Variants in RANBP9 observed in about 807,000 individuals in gnomAD.
RANBP9 encodes ran-binding protein 9.
Under a neutral mutation model 84.3 loss-of-function variants are expected in RANBP9, and 15 were observed. The observed-to-expected ratio is 0.18, with a 90% CI of 0.12 to 0.27. The LOEUF (loss-of-function observed/expected upper bound fraction) is 0.27. Among genes scored for constraint, RANBP9 ranks in the 10% least tolerant of loss-of-function variants. The pLI, the probability that RANBP9 is intolerant of heterozygous loss-of-function variation, is 1.00. For synonymous variants in RANBP9, 392 were observed against 349.6 expected (o/e 1.12, Z -1.35); for missense variants, 809 against 912.8 (o/e 0.89, Z 1.46).
In RANBP9 at chr6:13,657,112, A is replaced by G; in HGVS notation, c.901T>C (p.Leu301=). 2 of 1,607,074 alleles carry G rather than the reference A, an allele frequency of 1.2e-6. No individual in the cohort carries two copies. The highest frequency in any genetic ancestry group is 1.7e-6 in the Non-Finnish European group (2 of 1,176,042). The part of the protein sequence containing the change: ...TCFYTKNGHS[L]GIAFTDLPPN... ...ATGCAATATATTATCTCAGTACCTAAACTATGTCCATTCTTGGTGTAAAAG... is the reference window on the plus strand; with the variant it reads ...ATGCAATATATTATCTCAGTACCTAGACTATGTCCATTCTTGGTGTAAAAG... The change falls in exon 4 of 14, where the codon TTA becomes CTA. Residue 301 remains leucine (L), a synonymous_variant. Transcript: ENST00000011619.
chr6:13,671,388 T>G (rs538511278), intron 2 of RANBP9, among the ~76,000 whole-genome samples: 1 of 152,196 alleles, frequency 6.6e-6, no homozygotes, highest in East Asian at 1.9e-4. Flanking sequence ...AAAAAGTGTT[T>G]CCACCAACCA....
chr6:13,675,486 T>C (rs1290649591), intron 2 of RANBP9, among the ~76,000 whole-genome samples: 1 of 152,232 alleles, frequency 6.6e-6, no homozygotes, highest in Non-Finnish European at 1.5e-5. Context: ...TGGGATGCAG[T>C]GAAAGCAGTG....
At chr6:13,705,946 T>C (rs1468296635) in intron 1 of RANBP9, among the ~76,000 whole-genome samples, 1 of 151,584 alleles carries the variant, frequency 6.6e-6, no homozygotes. Context: ...TAAGCAAGCA[T>C]GCTGAAATAT....
At chr6:13,693,527 A>C (rs1419485178) in intron 2 of RANBP9, among the ~76,000 whole-genome samples, 1 of 152,036 alleles carries the variant, frequency 6.6e-6, no homozygotes, top group Non-Finnish European at 1.5e-5. Context: ...CGGACAGATC[A>C]CCTGAGCTCA....
Position 13,654,190 on chromosome 6 carries a change from TACC to T in RANBP9, c.905-1512_905-1510del, listed in dbSNP as rs558997019. Among the ~76,000 whole-genome samples, 25 of 152,274 alleles carry T rather than the reference TACC, an allele frequency of 1.6e-4. No homozygotes were observed. In the South Asian group the frequency reaches 5.0e-3, roughly 30 times the overall value. The stretch of plus-strand genomic sequence containing the variant: ...ATTTTTTAACACAGCCAAATATAGT[TACC>T]ACAACATGTTTTTGCTCAATCAGAC... On this transcript the variant is annotated intron_variant, in intron 4 of 13. Transcript: ENST00000011619.
intron 2 of RANBP9, among the ~76,000 whole-genome samples, chr6:13,690,620 G>T (rs545751942): frequency 7.9e-5 from 12 of 152,262 alleles, no homozygotes; most frequent in Admixed American, 2.6e-4. Context: ...TATTTTGTTT[G>T]AAGAGCTAAA....
In RANBP9 at chr6:13,623,115, GCATAT is replaced by G. The variant is rs772505209; in HGVS notation, c.2060-628_2060-624del. ...AATGCCAATAAATTTTCAGGGTCCT[GCATAT>G]CATAAGTTTCTTTGTCAGACATTTG... On this transcript the variant is annotated intron_variant, in intron 13 of 13. Coordinates refer to ENST00000011619, the MANE Select transcript of RANBP9 (RefSeq NM_005493.3). Among the ~76,000 whole-genome samples, 5 of 152,224 alleles carry G rather than the reference GCATAT, an allele frequency of 3.3e-5. No homozygotes were observed. The South Asian group carries it at 8.3e-4, about 25-fold the overall frequency.
intron 2 of RANBP9, among the ~76,000 whole-genome samples, chr6:13,690,021 G>C (rs771071115): frequency 3.3e-5 from 5 of 152,096 alleles, no homozygotes; most frequent in Non-Finnish European, 7.4e-5. Flanking sequence ...ATACCATCTA[G>C]GTTTACATAA....
intron 2 of RANBP9, among the ~76,000 whole-genome samples, chr6:13,691,192 A>T (rs956344178): frequency 7.9e-5 from 12 of 151,634 alleles, no homozygotes; most frequent in African/African-American, 2.9e-4. Context: ...AGTCATGTAG[A>T]TAAAGTGATT....
intron 2 of RANBP9, among the ~76,000 whole-genome samples, chr6:13,691,559 T>C (rs1485541412): frequency 6.6e-6 from 1 of 152,218 alleles, no homozygotes; most frequent in Non-Finnish European, 1.5e-5. Context: ...ATCCAACTCT[T>C]GCCATTTCAT....
chr6:13,633,649 C>CTT (rs1244465197), intron 11 of RANBP9, among the ~76,000 whole-genome samples: 1 of 152,164 alleles, frequency 6.6e-6, no homozygotes, highest in Non-Finnish European at 1.5e-5. Context: ...TATCACTGTA[C>CTT]TTAAATTACT....
intron 2 of RANBP9, among the ~76,000 whole-genome samples, chr6:13,674,172 C>T (rs1390606492): frequency 6.6e-6 from 1 of 151,374 alleles, no homozygotes; most frequent in Admixed American, 6.6e-5. Flanking sequence ...TAAAACCCAA[C>T]TTTAACAATA....
chr6:13,642,758 T>C (rs543877481), intron 6 of RANBP9, among the ~76,000 whole-genome samples, 167 bp from the exon 7 acceptor site: 1 of 152,300 alleles, frequency 6.6e-6, no homozygotes, highest in South Asian at 2.1e-4. Flanking sequence ...AAAACATCAT[T>C]TTGTTCTATT....
Position 13,637,782 on chromosome 6 carries a change from G to C in RANBP9, c.1673+26C>G, listed in dbSNP as rs375145824. 3.2e-6 allele frequency: 5 copies of C among 1,547,924 alleles called. No homozygotes were observed. The African/African-American group carries it at 4.1e-5, about 13-fold the overall frequency. ...ACCTATAACTAGGTTGCTTATATTA[G>C]TGCAAAAGTCAGTGAAATTACTTAC... On this transcript the variant is annotated intron_variant, in intron 10 of 13. Transcript: ENST00000011619.
chr6:13,679,834 A>G (rs1303275924), intron 2 of RANBP9, among the ~76,000 whole-genome samples: 2 of 152,162 alleles, frequency 1.3e-5, no homozygotes, highest in Non-Finnish European at 2.9e-5. Flanking sequence ...TTTTTCAATA[A>G]TATTTCTCTT....
At chr6:13,700,641 G>A (rs558967865) in intron 1 of RANBP9, among the ~76,000 whole-genome samples, 9 of 152,158 alleles carry the variant, frequency 5.9e-5, no homozygotes, top group African/African-American at 1.4e-4. Context: ...TAACACTCAC[G>A]TTTAATTATT....
chr6:13,680,661 C>T (rs1053097335), intron 2 of RANBP9, among the ~76,000 whole-genome samples: 7 of 151,404 alleles, frequency 4.6e-5, no homozygotes, highest in South Asian at 2.1e-4. Flanking sequence ...GAGGCTGAGG[C>T]GGGAGGATCG....
intron 2 of RANBP9, among the ~76,000 whole-genome samples, chr6:13,659,670 T>C (rs1356820152): frequency 6.6e-6 from 1 of 152,194 alleles, no homozygotes; most frequent in Non-Finnish European, 1.5e-5. Context: ...TGCCCATTAT[T>C]GTTATCAAGG....
chr6:13,669,084 C>T (rs912893828), intron 2 of RANBP9, among the ~76,000 whole-genome samples: 1 of 151,486 alleles, frequency 6.6e-6, no homozygotes, highest in African/African-American at 2.4e-5. Flanking sequence ...TTTCTACACA[C>T]TAGAAATAAT....
Sources: gnomAD v4.1 joint callset for allele counts (sites outside exome capture counted in the v4.1 genomes callset) on GRCh38, gnomAD v4.1.1 for gene constraint, MANE v1.5 for transcripts, NCBI Gene and HGNC (gene_info 2026-07-23, HGNC 2026-07-21) for gene names.